The following KHDRBS2 variants were observed in gnomAD, a reference collection of about 807,000 sequenced individuals.
KHDRBS2 encodes KH RNA binding domain containing, signal transduction associated 2, also known as KH domain-containing, RNA-binding, signal transduction-associated protein 2.
A neutral mutation model predicts 44.3 loss-of-function variants in KHDRBS2; 26 were observed. The observed-to-expected ratio is 0.59, with a 90% CI of 0.43 to 0.81. The LOEUF (loss-of-function observed/expected upper bound fraction) is 0.81, where lower values mean the gene tolerates loss of function less well. Ranked by LOEUF, KHDRBS2 falls within the 40% of genes least tolerant of loss-of-function variation. KHDRBS2 has a pLI of 0.00. For synonymous variants in KHDRBS2, 194 were observed against 151.1 expected (o/e 1.28, Z -2.08); for missense variants, 476 against 433.1 (o/e 1.10, Z -0.88).
At chr6:61,626,720 G>A in the KHDRBS2 span, among the ~76,000 whole-genome samples, 2 of 152,160 alleles carry the variant, frequency 1.3e-5, no homozygotes, top group East Asian at 1.9e-4. Flanking sequence ...GTCTATGTTC[G>A]GGTGGCTTTT....
intron 2 of KHDRBS2, among the ~76,000 whole-genome samples, chr6:62,161,573 CGGGGG>C (rs3035515): frequency 1.8e-4 from 6 of 33,344 alleles, no homozygotes; most frequent in Non-Finnish European, 3.0e-4. Flanking sequence ...TTGGTATTTG[CGGGGG>C]GGGGGGGGGT....
At position 61,943,242 on chromosome 6, in the gene KHDRBS2, C is replaced by G. The variant is rs558773091; in HGVS notation, c.483+34824G>C. Reference sequence around the variant, plus strand: ...ATTCTTCATCATAAAGCAGACCTAGCAAAAATGCTTAAGGGAGTCCTACAC... The same window carrying G: ...ATTCTTCATCATAAAGCAGACCTAGGAAAAATGCTTAAGGGAGTCCTACAC... On this transcript the variant is annotated intron_variant, in intron 4 of 8. Coordinates refer to ENST00000281156, the MANE Select transcript of KHDRBS2 (RefSeq NM_152688.4). 3.3e-5 allele frequency among the ~76,000 whole-genome samples: 5 copies of G among 151,814 alleles called. No individual in the cohort carries two copies. The South Asian group carries it at 8.3e-4, about 25-fold the overall frequency.
rs368894079 is a variant in KHDRBS2 at position 61,894,728 on chromosome 6, T to C, written c.717A>G (p.Ala239=). The change falls in exon 6 of 9, where the codon GCA becomes GCG. Residue 239 remains alanine, a synonymous_variant. Transcript: ENST00000281156. ...TRGALPVPPV[A]RGVPTPRARG... is the part of the protein sequence containing the mutation. ...GGGCTCGAGGGGTAGGGACACCTCTTGCTACAGGTGGCACTGGAAGCGCTC... is the reference window on the plus strand; with the variant it reads ...GGGCTCGAGGGGTAGGGACACCTCTCGCTACAGGTGGCACTGGAAGCGCTC... The C allele has an allele frequency of 7.4e-6, 12 of 1,613,446 alleles. No individual in the cohort carries two copies. The highest frequency in any genetic ancestry group is 3.3e-5 in the Admixed American group (2 of 59,964).
chr6:62,242,324 C>A (rs1273977968), intron 1 of KHDRBS2, among the ~76,000 whole-genome samples: 1 of 152,144 alleles, frequency 6.6e-6, no homozygotes, highest in Non-Finnish European at 1.5e-5. Context: ...GACACCTTTT[C>A]TTCCACTTAC....
chr6:62,207,150 C>A (rs1422799224), intron 1 of KHDRBS2, among the ~76,000 whole-genome samples: 1 of 151,860 alleles, frequency 6.6e-6, no homozygotes, highest in South Asian at 2.1e-4. Context: ...TGTTCAACAT[C>A]TAATTTTCTA....
the KHDRBS2 span, among the ~76,000 whole-genome samples, chr6:61,597,743 TATATATATATATATAC>T: frequency 4.0e-4 from 19 of 47,066 alleles, no homozygotes; most frequent in East Asian, 9.4e-4. Flanking sequence ...TATATATATA[TATATATATATATATAC>T]ATATATATAT....
At chr6:62,267,703 G>C (rs1839424153) in intron 1 of KHDRBS2, among the ~76,000 whole-genome samples, 1 of 151,984 alleles carries the variant, frequency 6.6e-6, no homozygotes, top group South Asian at 2.1e-4. Context: ...ATGCACCAGA[G>C]ATTTTATTCT....
intron 6 of KHDRBS2, among the ~76,000 whole-genome samples, chr6:61,876,433 A>G (rs1378409295): frequency 6.6e-6 from 1 of 152,008 alleles, no homozygotes; most frequent in African/African-American, 2.4e-5. Flanking sequence ...CAGTGAGGTG[A>G]CACAGAAGAA....
intron 1 of KHDRBS2, among the ~76,000 whole-genome samples, chr6:62,212,271 C>T (rs1474969119): frequency 1.3e-5 from 2 of 151,900 alleles, no homozygotes; most frequent in Admixed American, 6.6e-5. Flanking sequence ...TTCAATCACA[C>T]ACATATGAAA....
chr6:61,669,738 T>C, the KHDRBS2 span, among the ~76,000 whole-genome samples: 7 of 151,038 alleles, frequency 4.6e-5, no homozygotes, highest in Non-Finnish European at 4.5e-5. Flanking sequence ...TGTACTATTA[T>C]TATCACCATT....
chr6:61,998,773 C>A (rs1353108889), intron 3 of KHDRBS2, among the ~76,000 whole-genome samples: 2 of 152,030 alleles, frequency 1.3e-5, no homozygotes, highest in Non-Finnish European at 2.9e-5. Context: ...TTGAAGTAAT[C>A]TGCAAAACTC....
chr6:61,639,801 A>T, the KHDRBS2 span, among the ~76,000 whole-genome samples: 1 of 152,098 alleles, frequency 6.6e-6, no homozygotes, highest in African/African-American at 2.4e-5. Flanking sequence ...GATAGTTATG[A>T]TATTGCTTTA....
At chr6:62,285,033 A>G (rs571036463) in intron 1 of KHDRBS2, among the ~76,000 whole-genome samples, 2 of 152,318 alleles carry the variant, frequency 1.3e-5, no homozygotes, top group Admixed American at 1.3e-4. Flanking sequence ...GTAAGTAACT[A>G]CAGATACCAT....
At chr6:61,912,363 T>C (rs1434309379) in intron 4 of KHDRBS2, among the ~76,000 whole-genome samples, 1 of 152,156 alleles carries the variant, frequency 6.6e-6, no homozygotes, top group African/African-American at 2.4e-5. Flanking sequence ...CATTTATTCT[T>C]TTCCTTGCTT....
At chr6:61,932,389 C>G (rs1413321651) in intron 4 of KHDRBS2, among the ~76,000 whole-genome samples, 2 of 152,168 alleles carry the variant, frequency 1.3e-5, no homozygotes, top group Non-Finnish European at 2.9e-5. Flanking sequence ...TCCTATCTAA[C>G]TGTAATTATG....
chr6:61,580,760 G>A, the KHDRBS2 span, among the ~76,000 whole-genome samples: 6 of 152,004 alleles, frequency 3.9e-5, no homozygotes, highest in African/African-American at 7.2e-5. Flanking sequence ...TGAAGTCAGC[G>A]AGACCAGGGA....
At position 62,231,075 on chromosome 6, in the gene KHDRBS2, CAA is replaced by C. The variant is rs553744756; in HGVS notation, c.92-53765_92-53764del. On this transcript the variant is annotated intron_variant, in intron 1 of 8. Coordinates refer to ENST00000281156, the MANE Select transcript of KHDRBS2 (RefSeq NM_152688.4). Reference sequence around the variant, plus strand: ...TTTAAGCTCATTTAGGGGAGATTAACAAAAAGGCAGATTTTCATTTAATATAA... The same window carrying C: ...TTTAAGCTCATTTAGGGGAGATTAACAAAGGCAGATTTTCATTTAATATAA... Among the ~76,000 whole-genome samples the C allele has an allele frequency of 1.0e-3, 159 of 152,216 alleles. 1 individual carries two copies. The highest frequency in any genetic ancestry group is 3.6e-3 in the African/African-American group (149 of 41,532).
intron 1 of KHDRBS2, among the ~76,000 whole-genome samples, chr6:62,242,075 TTGAAAA>T (rs1201464860): frequency 1.3e-5 from 2 of 152,216 alleles, no homozygotes; most frequent in Non-Finnish European, 2.9e-5. Context: ...TCACTTTACT[TTGAAAA>T]AGAAAAACAG....
chr6:61,734,555 C>A (rs1289925380), intron 6 of KHDRBS2, among the ~76,000 whole-genome samples: 2 of 151,832 alleles, frequency 1.3e-5, no homozygotes, highest in Non-Finnish European at 2.9e-5. Flanking sequence ...AAATTTAGTT[C>A]TATTATTTCC....
Sources: gnomAD v4.1 joint callset for allele counts (sites outside exome capture counted in the v4.1 genomes callset) on GRCh38, gnomAD v4.1.1 for gene constraint, MANE v1.5 for transcripts, NCBI Gene and HGNC (gene_info 2026-07-23, HGNC 2026-07-21) for gene names.